Variants in RGS20 observed in about 807,000 individuals in gnomAD.
The protein encoded by RGS20 is gz-selective GTPase-activating protein.
In RGS20, 30 loss-of-function variants were observed where a neutral mutation model predicts 33.6. The observed-to-expected ratio is 0.89, with a 90% CI of 0.67 to 1.21. The LOEUF is 1.21. Among genes scored for constraint, RGS20 ranks in the 50% most tolerant of loss-of-function variants. The pLI is 0.00. For synonymous variants in RGS20, 208 were observed against 197.9 expected, an observed-to-expected ratio of 1.05 and a Z score of -0.43; for missense variants, 472 against 502.4, an observed-to-expected ratio of 0.94 and a Z score of 0.58.
In RGS20 at chr8:53,958,134, T is replaced by C. The variant is rs937171636; in HGVS notation, c.979-136T>C. 6 of 628,162 alleles carry C rather than the reference T, an allele frequency of 9.6e-6. No homozygotes were observed. In the Admixed American group the frequency reaches 1.3e-4, roughly 14 times the overall value. 38.9% of individuals were successfully genotyped at this position (628,162 alleles called of 1,614,324 possible). On this transcript the variant is annotated intron_variant, in intron 5 of 5. Coordinates refer to ENST00000297313, the MANE Select transcript of RGS20 (RefSeq NM_170587.4). The stretch of plus-strand genomic sequence containing the variant: ...CTGGGTGACAGAGTAAGACTCTGTC[T>C]CAAAACAAAACAAACAACAAAAAAA...
Position 53,933,121 on chromosome 8 carries a change from A to C in RGS20, c.511-6455A>C, listed in dbSNP as rs112829084. ...CCATCCAAAGATCACCAACATCAAA[A>C]ACCAAAGGTAGATAAATCCATGAAG... On this transcript the variant is annotated intron_variant, in intron 2 of 5. Transcript: ENST00000297313. Among the ~76,000 whole-genome samples, 451 of 152,262 alleles carry C rather than the reference A, an allele frequency of 3.0e-3. 3 individuals carry two copies. Among genetic ancestry groups the C allele is most frequent in the African/African-American group, 0.011 (438 of 41,560 alleles).
intron 1 of RGS20, among the ~76,000 whole-genome samples, chr8:53,875,481 A>G (rs1399131982): frequency 6.6e-6 from 1 of 151,432 alleles, no homozygotes; most frequent in Non-Finnish European, 1.5e-5. Context: ...AAAAAACACC[A>G]TCTCCTACCC....
At chr8:53,854,653 T>C (rs925594230) in intron 1 of RGS20, among the ~76,000 whole-genome samples, 5 of 152,122 alleles carry the variant, frequency 3.3e-5, no homozygotes, top group African/African-American at 1.2e-4. Context: ...AACTGAATCA[T>C]TAATACATTG....
chr8:53,939,501 A>G (rs541230250), intron 2 of RGS20, 75 bp from the exon 2 acceptor site: 1 of 1,379,896 alleles, frequency 7.2e-7, no homozygotes, highest in African/African-American at 1.5e-5. Flanking sequence ...TGATCCAAAC[A>G]GCTGACTCCC....
At chr8:53,896,931 C>T (rs1197526834) in intron 2 of RGS20, among the ~76,000 whole-genome samples, 1 of 152,168 alleles carries the variant, frequency 6.6e-6, no homozygotes, top group Non-Finnish European at 1.5e-5. Flanking sequence ...ATACCATTAT[C>T]ATAGAAGAAT....
chr8:53,918,824 T>C (rs1447101680), intron 2 of RGS20, among the ~76,000 whole-genome samples: 1 of 152,280 alleles, frequency 6.6e-6, no homozygotes, highest in Non-Finnish European at 1.5e-5. Flanking sequence ...ATATTTGTGT[T>C]TTTCCACTTT....
At chr8:53,857,168 T>C (rs543575933) in intron 1 of RGS20, among the ~76,000 whole-genome samples, 2 of 152,284 alleles carry the variant, frequency 1.3e-5, no homozygotes, top group African/African-American at 4.8e-5. Context: ...GTTTAACACT[T>C]GAGATGTTCA....
At chr8:53,936,875 T>C (rs150561574) in intron 2 of RGS20, among the ~76,000 whole-genome samples, 2,415 of 152,278 alleles carry the variant, frequency 0.016, 50 homozygotes, top group African/African-American at 0.054. Flanking sequence ...CAAAACAGCA[T>C]GGTACTGGTA....
At chr8:53,954,741 G>T (rs548442474) in intron 5 of RGS20, among the ~76,000 whole-genome samples, 32 of 146,120 alleles carry the variant, frequency 2.2e-4, no homozygotes, top group Non-Finnish European at 1.8e-4. Flanking sequence ...AGGCTGGAGT[G>T]CAATGGTGCA....
chr8:53,895,292 G>T (rs1169138537), intron 2 of RGS20, among the ~76,000 whole-genome samples: 1 of 152,194 alleles, frequency 6.6e-6, no homozygotes, highest in Non-Finnish European at 1.5e-5. Flanking sequence ...AGACCCTAGA[G>T]ATGTCCAGGA....
chr8:53,951,806 A>T (rs1047512531), intron 4 of RGS20, among the ~76,000 whole-genome samples: 3 of 151,816 alleles, frequency 2.0e-5, no homozygotes, highest in Non-Finnish European at 2.9e-5. Flanking sequence ...CACCTGAGGT[A>T]GGGAGTTTGA....
intron 2 of RGS20, among the ~76,000 whole-genome samples, chr8:53,923,758 A>G (rs1813714487): frequency 6.6e-6 from 1 of 152,188 alleles, no homozygotes; most frequent in Non-Finnish European, 1.5e-5. Flanking sequence ...GTCTTTCTGA[A>G]CATTCTAAAT....
At chr8:53,891,557 A>T (rs936503046) in intron 2 of RGS20, among the ~76,000 whole-genome samples, 1 of 152,000 alleles carries the variant, frequency 6.6e-6, no homozygotes. Context: ...GGAGGCAGAG[A>T]TTGCAGTGAG....
At chr8:53,880,967 A>G (rs1333831167) in intron 2 of RGS20, 1 of 1,582,444 alleles carries the variant, frequency 6.3e-7, no homozygotes, top group South Asian at 1.1e-5. Flanking sequence ...GCCGACGTAG[A>G]GAGGGCAGCC....
At chr8:53,888,822 G>T (rs776074218) in intron 2 of RGS20, among the ~76,000 whole-genome samples, 1 of 152,146 alleles carries the variant, frequency 6.6e-6, no homozygotes, top group Non-Finnish European at 1.5e-5. Flanking sequence ...ATTAAACAGT[G>T]TATAATATTT....
At chr8:53,916,157 G>C (rs776822726) in intron 2 of RGS20, among the ~76,000 whole-genome samples, 22 of 152,024 alleles carry the variant, frequency 1.4e-4, no homozygotes, top group Non-Finnish European at 2.4e-4. Flanking sequence ...TAAGGAGCTG[G>C]GACTACAGGC....
chr8:53,939,487 T>C (rs1051171107), intron 2 of RGS20, 89 bp from the exon 2 acceptor site: 1 of 1,334,956 alleles, frequency 7.5e-7, no homozygotes, highest in African/African-American at 1.5e-5. Flanking sequence ...CTGTATCTTT[T>C]CAATGATCCA....
intron 2 of RGS20, among the ~76,000 whole-genome samples, chr8:53,883,617 A>G (rs555585803): frequency 9.9e-4 from 150 of 152,208 alleles, no homozygotes; most frequent in African/African-American, 3.5e-3. Context: ...CGTTAGTTTC[A>G]TCATCTGTGA....
chr8:53,913,629 G>A (rs1813407349), intron 2 of RGS20: 1 of 152,264 alleles, frequency 6.6e-6, no homozygotes, highest in African/African-American at 2.4e-5. Flanking sequence ...CAGTCATAGA[G>A]GGAAGAAGGG....
Sources: allele counts gnomAD v4.1 joint callset (sites outside exome capture counted in the v4.1 genomes callset), GRCh38; gene constraint gnomAD v4.1.1; transcripts MANE v1.5; gene names NCBI Gene and HGNC (gene_info 2026-07-23, HGNC 2026-07-21).